The following TIMP2 variants were observed in gnomAD, a reference collection of about 807,000 sequenced individuals.
TIMP2 encodes the protein TIMP metallopeptidase inhibitor 2.
TIMP2 carries 5 observed loss-of-function variants against 24.3 expected under a neutral mutation model. That is an observed-to-expected ratio of 0.21 (90% CI 0.11 to 0.43). The LOEUF is 0.43. Among genes scored for constraint, TIMP2 ranks in the 20% least tolerant of loss-of-function variants. The pLI, the probability that TIMP2 is intolerant of heterozygous loss-of-function variation, is 1.00. For missense variants in TIMP2, 221 were observed against 297.5 expected (o/e 0.74, Z 1.89); for synonymous variants, 130 against 123.2 (o/e 1.06, Z -0.37).
At chr17:78,884,327 C>T (rs1365542976) in intron 1 of TIMP2, among the ~76,000 whole-genome samples, 1 of 152,212 alleles carries the variant, frequency 6.6e-6, no homozygotes, top group East Asian at 1.9e-4. Flanking sequence ...CCTCCCAAGC[C>T]GATCCATTTT....
intron 1 of TIMP2, chr17:78,902,069 A>C (rs541259270): frequency 6.1e-6 from 3 of 493,664 alleles, no homozygotes; most frequent in South Asian, 2.8e-5. Context: ...CTTCTCCCCA[A>C]CTCTTAGCCA....
chr17:78,912,088 G>A (rs559279013), intron 1 of TIMP2, among the ~76,000 whole-genome samples: 118 of 152,036 alleles, frequency 7.8e-4, no homozygotes, highest in African/African-American at 2.7e-3. Flanking sequence ...AATCTCCCAT[G>A]GCACCACACT....
intron 1 of TIMP2, among the ~76,000 whole-genome samples, chr17:78,921,493 C>G (rs1459450306): frequency 1.3e-5 from 2 of 152,230 alleles, no homozygotes; most frequent in African/African-American, 2.4e-5. Context: ...CGGGCCCAAG[C>G]AGCCCGAGTC....
chr17:78,890,972 T>C (rs1466954525), intron 1 of TIMP2: 7 of 1,551,124 alleles, frequency 4.5e-6, no homozygotes, highest in Non-Finnish European at 6.1e-6. Flanking sequence ...TTGTCTTCTC[T>C]GCTCCATCTC....
At chr17:78,867,807 G>A (rs2069631523) in intron 3 of TIMP2, among the ~76,000 whole-genome samples, 2 of 151,816 alleles carry the variant, frequency 1.3e-5, no homozygotes, top group South Asian at 4.2e-4. Flanking sequence ...CACTGTGTTA[G>A]CCAGGATGGT....
At chr17:78,919,065 C>A (rs1005086450) in intron 1 of TIMP2, among the ~76,000 whole-genome samples, 1 of 152,200 alleles carries the variant, frequency 6.6e-6, no homozygotes, top group African/African-American at 2.4e-5. Context: ...CGAGGCTGTA[C>A]TGGGCACCCC....
intron 4 of TIMP2, 158 bp downstream of exon 4, chr17:78,857,364 C>T (rs572811047): frequency 7.3e-6 from 7 of 965,114 alleles, no homozygotes; most frequent in Non-Finnish European, 1.1e-5. Context: ...CCCAGCCAGA[C>T]AGCCTTACTC....
chr17:78,914,982 C>T (rs564554869), intron 1 of TIMP2, among the ~76,000 whole-genome samples: 114 of 151,636 alleles, frequency 7.5e-4, no homozygotes, highest in African/African-American at 2.7e-3. Flanking sequence ...CTGCAACCTC[C>T]GCCTCCCGGG....
At chr17:78,893,147 A>G (rs1417655181) in intron 1 of TIMP2, among the ~76,000 whole-genome samples, 9 of 115,398 alleles carry the variant, frequency 7.8e-5, no homozygotes, top group Non-Finnish European at 1.4e-4. Flanking sequence ...GTGTGCGTAC[A>G]TGTGTGTGCA....
In TIMP2 at chr17:78,857,635, C is replaced by T. The variant is rs1295978233; in HGVS notation, c.352G>A (p.Gly118Arg). Residue 118 changes from glycine to arginine, a missense_variant, in exon 4 of 5, where the codon GGG (glycine) becomes AGG (arginine). Gly to Arg is a moderately radical substitution (Grantham distance 125, BLOSUM62 -2). Transcript: ENST00000262768. ...KEYLIAGKAE[G>R]DGKMHITLCD... Reference sequence around the variant, plus strand: ...AGGGTGATGTGCATCTTGCCGTCCCCCTCGGCCTTTCCTGCGGAGAGACGG... The same window carrying T: ...AGGGTGATGTGCATCTTGCCGTCCCTCTCGGCCTTTCCTGCGGAGAGACGG... 6.2e-7 allele frequency: 1 copy of T among 1,614,166 alleles called. No homozygotes were observed. The highest frequency in any genetic ancestry group is 8.5e-7 in the Non-Finnish European group (1 of 1,180,028).
chr17:78,925,157 C>A lies in TIMP2; in HGVS notation c.-69G>T, dbSNP rs1318225860. ...TCCGGGCGCTGCTCGCGGCGGCGGG[C>A]TGGGGGCGCGGGCGGGGGCTGAGCC... On this transcript the variant is annotated 5_prime_UTR_variant, in exon 1 of 5. Coordinates refer to ENST00000262768, the MANE Select transcript of TIMP2 (RefSeq NM_003255.5). The A allele has an allele frequency of 3.2e-6, 2 of 629,202 alleles. No homozygotes were observed. The highest frequency in any genetic ancestry group is 3.9e-6 in the Non-Finnish European group (2 of 509,700). 39.0% of individuals were successfully genotyped at this position (629,202 alleles called of 1,614,324 possible).
At chr17:78,878,118 C>G (rs2069744803) in intron 1 of TIMP2, among the ~76,000 whole-genome samples, 1 of 152,154 alleles carries the variant, frequency 6.6e-6, no homozygotes, top group Non-Finnish European at 1.5e-5. Context: ...TTCAAAACGG[C>G]CAAAATGTTG....
chr17:78,902,451 G>A (rs1044386613), intron 1 of TIMP2, among the ~76,000 whole-genome samples: 1 of 152,252 alleles, frequency 6.6e-6, no homozygotes, highest in Non-Finnish European at 1.5e-5. Context: ...ACCTGGGGCA[G>A]GGGTGGGTCA....
At chr17:78,923,071 C>T (rs561714404) in intron 1 of TIMP2, among the ~76,000 whole-genome samples, 114 of 152,206 alleles carry the variant, frequency 7.5e-4, no homozygotes, top group African/African-American at 2.0e-3. Flanking sequence ...CCACAGGAAG[C>T]GAATGCCCTG....
chr17:78,857,986 C>T (rs1230389330), intron 3 of TIMP2, among the ~76,000 whole-genome samples: 2 of 152,132 alleles, frequency 1.3e-5, no homozygotes, highest in Non-Finnish European at 2.9e-5. Flanking sequence ...AGGAGAATCG[C>T]TCTTGCACCC....
chr17:78,912,544 C>A (rs2070218250), intron 1 of TIMP2, among the ~76,000 whole-genome samples: 2 of 152,240 alleles, frequency 1.3e-5, no homozygotes, highest in Admixed American at 1.3e-4. Flanking sequence ...TCTAGCCCAC[C>A]CGTGCGATGA....
intron 1 of TIMP2, 128 bp from the exon 2 acceptor site, chr17:78,874,047 G>T: frequency 1.4e-6 from 1 of 722,642 alleles, no homozygotes; most frequent in Non-Finnish European, 2.3e-6. Flanking sequence ...GGTGCGAGAC[G>T]GGCAAGGGGC....
chr17:78,891,520 C>T lies in TIMP2; in HGVS notation c.131-17601G>A. 3.2e-6 allele frequency: 5 copies of T among 1,551,168 alleles called. No homozygotes were observed. Among genetic ancestry groups the T allele is most frequent in the Middle Eastern group, 1.7e-4 (1 of 5,998 alleles). On this transcript the variant is annotated intron_variant, in intron 1 of 4. Coordinates refer to ENST00000262768, the MANE Select transcript of TIMP2 (RefSeq NM_003255.5). This position sits in a 1 kb window ranked among gnomAD's most constrained non-coding sequence, Gnocchi z 4.5. ...ACTTGTTCTTCTCCCGGAGCGTGCA[C>T]TGAGATGCTGGGGACACGGCTTCCC...
intron 1 of TIMP2, chr17:78,892,339 C>G: frequency 6.4e-7 from 1 of 1,550,656 alleles, no homozygotes; most frequent in Non-Finnish European, 8.7e-7. Context: ...TGTTTCTGTT[C>G]CTGTCTGCGA....
Sources: allele counts gnomAD v4.1 joint callset (sites outside exome capture counted in the v4.1 genomes callset), GRCh38; gene constraint gnomAD v4.1.1; non-coding constraint Gnocchi (gnomAD v3.1); transcripts MANE v1.5; gene names NCBI Gene and HGNC (gene_info 2026-07-23, HGNC 2026-07-21).